TMEM132E: variants seen among roughly 807,000 people sequenced by gnomAD.
TMEM132E encodes the protein transmembrane protein 132E.
Under a neutral mutation model 78.5 loss-of-function variants are expected in TMEM132E, and 49 were observed. The observed-to-expected ratio is 0.62, with a 90% CI of 0.50 to 0.79. TMEM132E has a LOEUF of 0.79. Among genes scored for constraint, TMEM132E ranks in the 30% least tolerant of loss-of-function variants. TMEM132E has a pLI of 0.00. For missense variants in TMEM132E, 1,403 were observed against 1,470.9 expected (o/e 0.95, Z 0.75); for synonymous variants, 715 against 670.6 (o/e 1.07, Z -1.02).
intron 1 of TMEM132E, among the ~76,000 whole-genome samples, chr17:34,588,990 G>A (rs1232483227): frequency 6.6e-6 from 1 of 152,204 alleles, no homozygotes; most frequent in African/African-American, 2.4e-5. Flanking sequence ...CTGACTTCAG[G>A]TGATCCACCC....
chr17:34,617,198 C>T (rs1463224466), intron 1 of TMEM132E, among the ~76,000 whole-genome samples: 1 of 152,228 alleles, frequency 6.6e-6, no homozygotes, highest in Non-Finnish European at 1.5e-5. Flanking sequence ...ATCCTCTTCT[C>T]CCAAAGAAAG....
In TMEM132E at chr17:34,632,784, C is replaced by T. The variant is rs777095127; in HGVS notation, c.1563C>T (p.Tyr521=). Residue 521 remains tyrosine, a synonymous_variant, in exon 6 of 9, where the codon TAC becomes TAT. Coordinates refer to ENST00000631683, the MANE Select transcript of TMEM132E (RefSeq NM_001304438.2). ...TGAACGCCAGGGTCACCTTCCGCTACGACGTCCTCAATGCTCCCCTGGAAA... is the reference window on the plus strand; with the variant it reads ...TGAACGCCAGGGTCACCTTCCGCTATGACGTCCTCAATGCTCCCCTGGAAA... The part of the protein sequence containing the change: ...GSMNARVTFR[Y]DVLNAPLEMT... 52 of 1,614,076 alleles carry T rather than the reference C, an allele frequency of 3.2e-5. No homozygotes were observed. The highest frequency in any genetic ancestry group is 4.2e-5 in the Non-Finnish European group (50 of 1,180,048).
intron 1 of TMEM132E, among the ~76,000 whole-genome samples, chr17:34,597,169 A>C (rs1597678259): frequency 1.3e-5 from 2 of 152,148 alleles, no homozygotes; most frequent in East Asian, 1.9e-4. Flanking sequence ...GGAGTTTCCC[A>C]GGGGAGACCT....
At chr17:34,582,670 A>G (rs1276791705) in intron 1 of TMEM132E, among the ~76,000 whole-genome samples, 1 of 152,098 alleles carries the variant, frequency 6.6e-6, no homozygotes, top group South Asian at 2.1e-4. Flanking sequence ...TCTGTGTGCA[A>G]CACTGAGAAT....
intron 1 of TMEM132E, among the ~76,000 whole-genome samples, chr17:34,612,339 G>T (rs996209672): frequency 6.6e-6 from 1 of 152,168 alleles, no homozygotes; most frequent in African/African-American, 2.4e-5. Flanking sequence ...CCTCCTCCAG[G>T]GGCAGGTGCC....
At chr17:34,636,237 G>A in intron 8 of TMEM132E, 39 bp downstream of exon 8, 6 of 1,413,208 alleles carry the variant, frequency 4.2e-6, no homozygotes, top group Non-Finnish European at 5.6e-6. Context: ...GGAGTTGGTG[G>A]TATGGAAGGA....
chr17:34,615,228 G>A (rs1906738165), intron 1 of TMEM132E, among the ~76,000 whole-genome samples: 1 of 152,160 alleles, frequency 6.6e-6, no homozygotes, highest in Non-Finnish European at 1.5e-5. Flanking sequence ...TGTCCTTCTA[G>A]TACCCTCGTC....
chr17:34,585,072 G>A (rs1181494320), intron 1 of TMEM132E, among the ~76,000 whole-genome samples: 1 of 152,228 alleles, frequency 6.6e-6, no homozygotes, highest in Non-Finnish European at 1.5e-5. Flanking sequence ...CGGGCGTGAG[G>A]GATGATGCTT....
rs4795939 is a variant in TMEM132E, at chr17:34,583,039, G to T, written c.67+1896G>T. Among the ~76,000 whole-genome samples, 58 of 152,162 alleles carry T rather than the reference G, an allele frequency of 3.8e-4. 1 individual carries two copies. Among genetic ancestry groups the T allele is most frequent in the African/African-American group, 1.4e-3 (58 of 41,442 alleles). On this transcript the variant is annotated intron_variant, in intron 1 of 8. Transcript: ENST00000631683. ...GACGCAGTTCCAGCTGGGCCTTAGCGTCCTGGCTGCCTTCCCTTGGTCTTG... is the reference window on the plus strand; with the variant it reads ...GACGCAGTTCCAGCTGGGCCTTAGCTTCCTGGCTGCCTTCCCTTGGTCTTG...
At chr17:34,599,861 T>G (rs1906177492) in intron 1 of TMEM132E, among the ~76,000 whole-genome samples, 1 of 151,664 alleles carries the variant, frequency 6.6e-6, no homozygotes, top group African/African-American at 2.4e-5. Flanking sequence ...TCTCAGCACC[T>G]AGACCAGAAC....
At chr17:34,610,644 G>A (rs1303091365) in intron 1 of TMEM132E, among the ~76,000 whole-genome samples, 1 of 152,202 alleles carries the variant, frequency 6.6e-6, no homozygotes, top group East Asian at 1.9e-4. Flanking sequence ...TGGTGTCGAG[G>A]CTCTTGACAC....
chr17:34,594,440 G>A (rs924773700), intron 1 of TMEM132E, among the ~76,000 whole-genome samples: 2 of 152,164 alleles, frequency 1.3e-5, no homozygotes, highest in Admixed American at 6.5e-5. Flanking sequence ...TAAATTCTCT[G>A]TGGCTCCGTT....
chr17:34,620,258 C>A (rs1462180574), intron 1 of TMEM132E, among the ~76,000 whole-genome samples: 4 of 152,224 alleles, frequency 2.6e-5, no homozygotes, highest in African/African-American at 2.4e-5. Context: ...TGGGCAGGTA[C>A]CCCCAACCTC....
At chr17:34,586,528 T>C (rs1905687716) in intron 1 of TMEM132E, among the ~76,000 whole-genome samples, 1 of 151,344 alleles carries the variant, frequency 6.6e-6, no homozygotes, top group Admixed American at 6.6e-5. Context: ...AGTGAGCCAA[T>C]GTTGCAACAA....
chr17:34,582,230 G>A (rs1279216095), intron 1 of TMEM132E, among the ~76,000 whole-genome samples: 1 of 151,910 alleles, frequency 6.6e-6, no homozygotes, highest in African/African-American at 2.4e-5. Flanking sequence ...TTAGATGGAG[G>A]GGGCAGTGGG....
At chr17:34,627,473 T>TGC (rs1384973092) in intron 2 of TMEM132E, among the ~76,000 whole-genome samples, 1,468 of 133,074 alleles carry the variant, frequency 0.011, 34 homozygotes, top group African/African-American at 0.038. Context: ...GAATCGTGTG[T>TGC]GTGTGTGTGT....
chr17:34,596,296 T>C (rs968542316), intron 1 of TMEM132E, among the ~76,000 whole-genome samples: 1 of 152,210 alleles, frequency 6.6e-6, no homozygotes, highest in Non-Finnish European at 1.5e-5. Flanking sequence ...GTAAGCCTCA[T>C]CCATGAAATT....
In TMEM132E at chr17:34,580,643, C is replaced by A; in HGVS notation, c.-434C>A. The A allele has an allele frequency of 5.9e-6, 1 of 170,736 alleles. No individual in the cohort carries two copies. Among genetic ancestry groups the A allele is most frequent in the Non-Finnish European group, 1.2e-5 (1 of 80,716 alleles). 10.6% of individuals were successfully genotyped at this position (170,736 alleles called of 1,614,324 possible). On this transcript the variant is annotated 5_prime_UTR_variant, in exon 1 of 9. Coordinates refer to ENST00000631683, the MANE Select transcript of TMEM132E (RefSeq NM_001304438.2). ...GGCGCTATCCATGTGCGGTTACTAC[C>A]GAAACCGAGGAAACTGGGGATTGCG... is the stretch of plus-strand genomic sequence containing the variant.
At position 34,638,413 on chromosome 17, in the gene TMEM132E, C is replaced by A; in HGVS notation, c.*181C>A. ...AGTGTCTGGGCCTTCCCTCGCCTCA[C>A]GCCATTACCCTCTTCTGCCCCCTGC... On this transcript the variant is annotated 3_prime_UTR_variant, in exon 9 of 9. Coordinates refer to ENST00000631683, the MANE Select transcript of TMEM132E (RefSeq NM_001304438.2). 1.6e-6 allele frequency: 1 copy of A among 624,496 alleles called. No homozygotes were observed. The highest frequency in any genetic ancestry group is 3.3e-5 in the Admixed American group (1 of 30,218). The allele number at this position is 624,496 out of a possible 1,614,324, so 38.7% of individuals were successfully genotyped here. A position where few individuals can be genotyped will look rare whatever the true frequency, so the allele number is the denominator to read the frequency against.
Sources: gnomAD v4.1 joint callset for allele counts (sites outside exome capture counted in the v4.1 genomes callset) on GRCh38, gnomAD v4.1.1 for gene constraint, MANE v1.5 for transcripts, NCBI Gene and HGNC (gene_info 2026-07-23, HGNC 2026-07-21) for gene names.